The following IGSF11 variants were observed in gnomAD, a reference collection of about 807,000 sequenced individuals.
IGSF11 encodes CXADR like 1.
A neutral mutation model predicts 41.0 loss-of-function variants in IGSF11; 22 were observed. The observed-to-expected ratio is 0.54, with a 90% confidence interval of 0.38 to 0.77. The LOEUF (loss-of-function observed/expected upper bound fraction) is 0.77, where lower values mean the gene tolerates loss of function less well. Among genes scored for constraint, IGSF11 ranks in the 30% least tolerant of loss-of-function variants. The probability of loss-of-function intolerance (pLI) is 0.00; values close to 1 mark genes in which losing one functional copy is unlikely to be tolerated. For synonymous variants in IGSF11, 219 were observed against 201.3 expected, an observed-to-expected ratio of 1.09 and a Z score of -0.74; for missense variants, 444 against 530.8, an observed-to-expected ratio of 0.84 and a Z score of 1.61.
chr3:118,975,703 TC>T (rs1329262841), intron 1 of IGSF11, among the ~76,000 whole-genome samples: 1 of 152,102 alleles, frequency 6.6e-6, no homozygotes, highest in Non-Finnish European at 1.5e-5. Flanking sequence ...AAGAATGATA[TC>T]ATGTCCTTTG....
At position 118,903,825 on chromosome 3, in the gene IGSF11, A is replaced by T. The variant is rs549669576; in HGVS notation, c.854+823T>A. 3.4e-3 allele frequency among the ~76,000 whole-genome samples: 518 copies of T among 152,320 alleles called. 3 individuals carry two copies. Among genetic ancestry groups the T allele is most frequent in the African/African-American group, 0.011 (464 of 41,586 alleles). ...AGTCTGAAAGGTTAGGCAAGGGGCT[A>T]AAGACAACTTATGTGAGGAGGTGAT... On this transcript the variant is annotated intron_variant, in intron 6 of 6. Coordinates refer to ENST00000393775, the MANE Select transcript of IGSF11 (RefSeq NM_001015887.3).
chr3:119,037,207 C>CTGT (rs1940949181), upstream of IGSF11, among the ~76,000 whole-genome samples: 1 of 152,030 alleles, frequency 6.6e-6, no homozygotes, highest in Non-Finnish European at 1.5e-5. Context: ...TCTTTAAATC[C>CTGT]CTTAAGTATT....
At chr3:118,955,962 A>G (rs1467503707) in intron 1 of IGSF11, among the ~76,000 whole-genome samples, 1 of 152,184 alleles carries the variant, frequency 6.6e-6, no homozygotes, top group East Asian at 1.9e-4. Context: ...GTTGTTTAGT[A>G]TATGTACCTT....
At chr3:119,004,440 G>C (rs1255436455) in intron 1 of IGSF11, among the ~76,000 whole-genome samples, 2 of 151,522 alleles carry the variant, frequency 1.3e-5, no homozygotes, top group Non-Finnish European at 2.9e-5. Context: ...TTTTTTGAAG[G>C]GTTTTGTGTG....
chr3:119,133,267 A>G (rs1040638342), intron 1 of IGSF11, among the ~76,000 whole-genome samples: 18 of 152,216 alleles, frequency 1.2e-4, no homozygotes, highest in Admixed American at 9.2e-4. Flanking sequence ...CAAAAAATCA[A>G]TGAATCCAGG....
At chr3:119,029,295 C>CGA (rs892070713) in intron 1 of IGSF11, among the ~76,000 whole-genome samples, 4 of 145,518 alleles carry the variant, frequency 2.7e-5, no homozygotes, top group Admixed American at 1.4e-4. Flanking sequence ...AGAGAGAATG[C>CGA]GAGAGAGAGA....
At chr3:118,920,428 A>C (rs1252945014) in intron 4 of IGSF11, among the ~76,000 whole-genome samples, 1 of 152,054 alleles carries the variant, frequency 6.6e-6, no homozygotes, top group Non-Finnish European at 1.5e-5. Flanking sequence ...TTCAGAGGAC[A>C]GAAGCTCTCA....
At chr3:118,997,875 G>C (rs1936427693) in intron 1 of IGSF11, among the ~76,000 whole-genome samples, 1 of 152,034 alleles carries the variant, frequency 6.6e-6, no homozygotes, top group South Asian at 2.1e-4. Context: ...ATAATGTACT[G>C]TTCATGGCAA....
chr3:119,007,435 A>G (rs1937578145), intron 1 of IGSF11, among the ~76,000 whole-genome samples: 1 of 151,294 alleles, frequency 6.6e-6, no homozygotes, highest in African/African-American at 2.4e-5. Context: ...TGCGTCGCTC[A>G]CGCTGGGAGC....
intron 1 of IGSF11, among the ~76,000 whole-genome samples, chr3:119,056,627 C>T (rs1234374682): frequency 6.6e-6 from 1 of 152,138 alleles, no homozygotes; most frequent in Non-Finnish European, 1.5e-5. Flanking sequence ...TTTTATGAGG[C>T]CAGCACCATC....
At chr3:119,048,373 T>G (rs1941462447) in intron 1 of IGSF11, among the ~76,000 whole-genome samples, 1 of 152,082 alleles carries the variant, frequency 6.6e-6, no homozygotes, top group African/African-American at 2.4e-5. Flanking sequence ...CAAACACCTC[T>G]ACGCAAATAA....
intron 1 of IGSF11, among the ~76,000 whole-genome samples, chr3:118,988,501 A>G (rs1935470415): frequency 6.6e-6 from 1 of 152,194 alleles, no homozygotes; most frequent in Non-Finnish European, 1.5e-5. Context: ...AAATTGGGCA[A>G]GTTGCAGCCT....
intron 1 of IGSF11, among the ~76,000 whole-genome samples, chr3:119,119,226 G>T (rs150664076): frequency 1.3e-5 from 2 of 152,184 alleles, no homozygotes; most frequent in African/African-American, 4.8e-5. Flanking sequence ...CCTGAGACTG[G>T]GTAATTTACA....
intron 1 of IGSF11, among the ~76,000 whole-genome samples, chr3:119,021,183 C>T (rs1026876644): frequency 3.3e-5 from 5 of 151,946 alleles, no homozygotes; most frequent in Non-Finnish European, 5.9e-5. Flanking sequence ...AGTGGTTATA[C>T]GATGCAAAGG....
intron 1 of IGSF11, among the ~76,000 whole-genome samples, chr3:118,938,456 G>A (rs1943443133): frequency 6.6e-6 from 1 of 152,132 alleles, no homozygotes; most frequent in Non-Finnish European, 1.5e-5. Flanking sequence ...ACTCCTGTGG[G>A]CATTTATGTT....
At chr3:118,911,903 G>A (rs1214366457) in intron 4 of IGSF11, among the ~76,000 whole-genome samples, 1 of 120,524 alleles carries the variant, frequency 8.3e-6, no homozygotes, top group East Asian at 2.4e-4. Flanking sequence ...ATACTCTCCT[G>A]CTATAGCTAT....
chr3:119,093,405 G>GTTT (rs11352194), intron 1 of IGSF11, among the ~76,000 whole-genome samples: 1 of 147,200 alleles, frequency 6.8e-6, no homozygotes, highest in African/African-American at 2.5e-5. Context: ...TCTGAGACCC[G>GTTT]TTTTTTTTTT....
chr3:119,004,145 GTTA>G (rs1230299022), intron 1 of IGSF11, among the ~76,000 whole-genome samples: 1 of 148,314 alleles, frequency 6.7e-6, no homozygotes, highest in Non-Finnish European at 1.5e-5. Context: ...TTCAGCTCCT[GTTA>G]TTGGTCTATT....
chr3:118,906,514 T>A (rs1452044318), intron 4 of IGSF11, among the ~76,000 whole-genome samples: 3 of 152,166 alleles, frequency 2.0e-5, no homozygotes, highest in Non-Finnish European at 4.4e-5. Flanking sequence ...TAATTCCTCA[T>A]CACTGGCTGG....
Sources: allele counts gnomAD v4.1 joint callset (sites outside exome capture counted in the v4.1 genomes callset), GRCh38; gene constraint gnomAD v4.1.1; transcripts MANE v1.5; gene names NCBI Gene and HGNC (gene_info 2026-07-23, HGNC 2026-07-21).